PTPRT: variants seen among roughly 807,000 people sequenced by gnomAD.
PTPRT encodes the protein protein tyrosine phosphatase receptor type T, also known as receptor-type tyrosine-protein phosphatase T.
In PTPRT, 56 loss-of-function variants were observed where a neutral mutation model predicts 176.8. That is an observed-to-expected ratio of 0.32 (90% CI 0.26 to 0.40). PTPRT has a LOEUF of 0.40. Among genes scored for constraint, PTPRT ranks in the 10% least tolerant of loss-of-function variants. PTPRT has a pLI of 1.00. For missense variants in PTPRT, 1,540 were observed against 1,908.2 expected (o/e 0.81, Z 3.60); for synonymous variants, 783 against 739.0 (o/e 1.06, Z -0.96).
chr20:42,718,373 TAA>T (rs1383369191), intron 6 of PTPRT, among the ~76,000 whole-genome samples: 2 of 151,802 alleles, frequency 1.3e-5, no homozygotes, highest in Non-Finnish European at 2.9e-5. Flanking sequence ...CCATCTCCAC[TAA>T]AAATACAAAA....
At chr20:42,081,757 G>T in intron 30 of PTPRT, 125 bp downstream of exon 30, 1 of 1,245,894 alleles carries the variant, frequency 8.0e-7, no homozygotes, top group Non-Finnish European at 1.2e-6. Context: ...CATACCAAGG[G>T]CACAGAATGC....
chr20:42,544,941 C>G (rs1346737108), intron 7 of PTPRT, among the ~76,000 whole-genome samples: 3 of 152,306 alleles, frequency 2.0e-5, no homozygotes, highest in Non-Finnish European at 2.9e-5. Flanking sequence ...GTGTGAGCCA[C>G]TGTGTCTGAC....
At chr20:42,408,947 C>T (rs534219520) in intron 9 of PTPRT, among the ~76,000 whole-genome samples, 1 of 152,332 alleles carries the variant, frequency 6.6e-6, no homozygotes, top group Admixed American at 6.5e-5. Flanking sequence ...CCCAGTATCT[C>T]TCTCATAAGA....
intron 7 of PTPRT, among the ~76,000 whole-genome samples, chr20:42,626,717 G>C (rs1388485385): frequency 6.6e-6 from 1 of 152,170 alleles, no homozygotes; most frequent in African/African-American, 2.4e-5. Flanking sequence ...AGAGGGTCAG[G>C]TGGAATCCAT....
intron 11 of PTPRT, among the ~76,000 whole-genome samples, chr20:42,340,217 C>A (rs1348484750): frequency 6.6e-6 from 1 of 152,134 alleles, no homozygotes; most frequent in East Asian, 1.9e-4. Flanking sequence ...CCACATGTAG[C>A]TATTAATGAT....
chr20:42,203,913 C>T (rs1324086176), intron 15 of PTPRT, among the ~76,000 whole-genome samples: 1 of 152,170 alleles, frequency 6.6e-6, no homozygotes, highest in Non-Finnish European at 1.5e-5. Context: ...AACTCTTTCA[C>T]CTACTACGAC....
intron 5 of PTPRT, among the ~76,000 whole-genome samples, chr20:42,758,959 C>G (rs1460350116): frequency 6.6e-6 from 1 of 152,228 alleles, no homozygotes; most frequent in Non-Finnish European, 1.5e-5. Context: ...AACTTGGACC[C>G]CACTATGAGA....
chr20:42,044,015 G>A, the PTPRT span, among the ~76,000 whole-genome samples: 1 of 152,200 alleles, frequency 6.6e-6, no homozygotes, highest in Non-Finnish European at 1.5e-5. Flanking sequence ...AGGCAACAAA[G>A]ACTCACTGAG....
intron 7 of PTPRT, among the ~76,000 whole-genome samples, chr20:42,520,137 T>G (rs149369171): frequency 6.6e-6 from 1 of 152,262 alleles, no homozygotes; most frequent in African/African-American, 2.4e-5. Flanking sequence ...CTCAACTTTT[T>G]TACTTCCTGT....
intron 1 of PTPRT, among the ~76,000 whole-genome samples, chr20:42,887,150 T>C (rs1196342087): frequency 6.6e-6 from 1 of 152,158 alleles, no homozygotes; most frequent in Non-Finnish European, 1.5e-5. Flanking sequence ...ATAGATTAAA[T>C]GTGTGAATGC....
intron 7 of PTPRT, among the ~76,000 whole-genome samples, chr20:42,574,101 G>A (rs2073213508): frequency 6.6e-6 from 1 of 152,156 alleles, no homozygotes; most frequent in South Asian, 2.1e-4. Context: ...CCAAGTTGGA[G>A]AAGCATTGAG....
intron 1 of PTPRT, among the ~76,000 whole-genome samples, chr20:42,887,536 C>A (rs1369851183): frequency 6.6e-6 from 1 of 152,156 alleles, no homozygotes; most frequent in Non-Finnish European, 1.5e-5. Context: ...TTATTCAGTT[C>A]ATCCCACACT....
chr20:42,497,680 T>C (rs1451064956), intron 7 of PTPRT, among the ~76,000 whole-genome samples: 1 of 152,188 alleles, frequency 6.6e-6, no homozygotes, highest in Admixed American at 6.5e-5. Context: ...TTTACCTTCC[T>C]TTTGTTTTAA....
intron 6 of PTPRT, among the ~76,000 whole-genome samples, chr20:42,734,989 G>T (rs543958147): frequency 4.6e-5 from 7 of 152,330 alleles, no homozygotes; most frequent in African/African-American, 1.4e-4. Flanking sequence ...CCCATGGGGA[G>T]GGATCATGAA....
intron 7 of PTPRT, among the ~76,000 whole-genome samples, chr20:42,669,154 C>T (rs149796051): frequency 6.6e-6 from 1 of 152,150 alleles, no homozygotes; most frequent in East Asian, 1.9e-4. Context: ...AAAACAAGTT[C>T]GGTAGGTGAT....
At chr20:42,937,654 G>A (rs1980275501) in intron 1 of PTPRT, among the ~76,000 whole-genome samples, 1 of 152,236 alleles carries the variant, frequency 6.6e-6, no homozygotes, top group Non-Finnish European at 1.5e-5. Flanking sequence ...AGAGTTGAGA[G>A]CAGCTCTTCA....
At chr20:42,403,661 C>T (rs1272374482) in intron 9 of PTPRT, among the ~76,000 whole-genome samples, 1 of 152,120 alleles carries the variant, frequency 6.6e-6, no homozygotes, top group African/African-American at 2.4e-5. Context: ...GACCAAAACC[C>T]TCTTCAATGA....
At chr20:42,446,458 T>C (rs562523332) in intron 9 of PTPRT, among the ~76,000 whole-genome samples, 2 of 152,258 alleles carry the variant, frequency 1.3e-5, no homozygotes, top group South Asian at 4.1e-4. Flanking sequence ...GTCTTGAACA[T>C]CTGGCACACA....
intron 16 of PTPRT, among the ~76,000 whole-genome samples, chr20:42,176,885 G>A (rs1990315955): frequency 6.6e-6 from 1 of 151,894 alleles, no homozygotes; most frequent in Non-Finnish European, 1.5e-5. Context: ...CATTGTTGTG[G>A]GTGGATAAAA....
Sources: allele counts gnomAD v4.1 joint callset (sites outside exome capture counted in the v4.1 genomes callset), GRCh38; gene constraint gnomAD v4.1.1; transcripts MANE v1.5; gene names NCBI Gene and HGNC (gene_info 2026-07-23, HGNC 2026-07-21).